Variants in BEND7 observed in about 807,000 individuals in gnomAD.
BEND7 encodes the protein BEN domain containing 7, also known as BEN domain-containing protein 7.
BEND7 carries 28 observed loss-of-function variants against 50.9 expected under a neutral mutation model. That is an observed-to-expected ratio of 0.55 (90% CI 0.41 to 0.75). The LOEUF (loss-of-function observed/expected upper bound fraction) is 0.75. Ranked by LOEUF, BEND7 falls within the 30% of genes least tolerant of loss-of-function variation. The probability of loss-of-function intolerance (pLI) is 0.00; values close to 1 mark genes in which losing one functional copy is unlikely to be tolerated. For synonymous variants in BEND7, 170 were observed against 183.9 expected, an observed-to-expected ratio of 0.92 and a Z score of 0.61; for missense variants, 477 against 491.3, an observed-to-expected ratio of 0.97 and a Z score of 0.28.
At chr10:13,529,357 C>G (rs939878002), upstream of BEND7, among the ~76,000 whole-genome samples, 4 of 151,972 alleles carry the variant, frequency 2.6e-5, no homozygotes, top group Admixed American at 2.0e-4. Flanking sequence ...ACAACCACCT[C>G]CCCGCCCTCA....
intron 2 of BEND7, among the ~76,000 whole-genome samples, chr10:13,503,965 C>G (rs1316806354): frequency 6.6e-6 from 1 of 152,212 alleles, no homozygotes; most frequent in Non-Finnish European, 1.5e-5. Context: ...ACCCCTGCAG[C>G]TGCTGCCTAG....
intron 6 of BEND7, among the ~76,000 whole-genome samples, chr10:13,463,610 C>G (rs186723935): frequency 3.3e-5 from 5 of 151,784 alleles, no homozygotes; most frequent in Admixed American, 1.3e-4. Context: ...GATTAAAGAC[C>G]TGATTATAAA....
intron 6 of BEND7, among the ~76,000 whole-genome samples, chr10:13,474,439 T>C (rs990573912): frequency 6.6e-6 from 1 of 151,996 alleles, no homozygotes; most frequent in South Asian, 2.1e-4. Context: ...GGCCGATATC[T>C]GTCATCACTG....
At chr10:13,516,183 G>A (rs2078656270) in intron 2 of BEND7, among the ~76,000 whole-genome samples, 1 of 152,222 alleles carries the variant, frequency 6.6e-6, no homozygotes. Context: ...TGCCCTGAAG[G>A]AATTCAAACT....
intron 5 of BEND7, among the ~76,000 whole-genome samples, chr10:13,488,767 G>A (rs12572018): frequency 7.2e-5 from 11 of 152,178 alleles, no homozygotes; most frequent in East Asian, 1.9e-4. Flanking sequence ...GATTACAGGC[G>A]TGAGCCACCG....
chr10:13,480,372 C>T (rs1317000903), intron 6 of BEND7, among the ~76,000 whole-genome samples: 1 of 152,104 alleles, frequency 6.6e-6, no homozygotes, highest in African/African-American at 2.4e-5. Context: ...CGGCACAAAA[C>T]AAGAGGGAGA....
In BEND7 at chr10:13,524,359, C is replaced by T. The variant is rs146974451; in HGVS notation, c.145+1779G>A. ...TTTGATAATACAAAATTCCAGCTGA[C>T]CAACCAGGCACGGTGGCTCACGCCT... On this transcript the variant is annotated intron_variant, in intron 2 of 8. Transcript: ENST00000466271. 9.1e-3 allele frequency among the ~76,000 whole-genome samples: 1,387 copies of T among 152,192 alleles called. 21 individuals carry two copies. Among genetic ancestry groups the T allele is most frequent in the African/African-American group, 0.031 (1,302 of 41,528 alleles).
chr10:13,503,363 C>A (rs1170668465), intron 2 of BEND7, among the ~76,000 whole-genome samples: 1 of 152,178 alleles, frequency 6.6e-6, no homozygotes, highest in Non-Finnish European at 1.5e-5. Context: ...CAGGTCCCTC[C>A]TCAGAGGAAG....
At chr10:13,479,903 CCTTTAAA>C (rs1270746230) in intron 6 of BEND7, among the ~76,000 whole-genome samples, 3 of 152,170 alleles carry the variant, frequency 2.0e-5, no homozygotes, top group Non-Finnish European at 4.4e-5. Context: ...TTTCAAGCAT[CCTTTAAA>C]CACTACTGAA....
chr10:13,514,649 C>A (rs144234527), intron 2 of BEND7, among the ~76,000 whole-genome samples: 2 of 152,130 alleles, frequency 1.3e-5, no homozygotes, highest in Admixed American at 1.3e-4. Context: ...TCCCTCCCAG[C>A]GGAGAGTTAA....
intron 2 of BEND7, among the ~76,000 whole-genome samples, chr10:13,517,434 A>C (rs1312702503): frequency 6.6e-6 from 1 of 152,160 alleles, no homozygotes; most frequent in African/African-American, 2.4e-5. Flanking sequence ...GCAGGGTCTC[A>C]GCTGTCATGC....
chr10:13,453,133 G>A (rs141953072), intron 6 of BEND7, among the ~76,000 whole-genome samples: 101 of 152,260 alleles, frequency 6.6e-4, no homozygotes, highest in African/African-American at 1.4e-3. Flanking sequence ...AGTTGGTGTC[G>A]TGATGAAAGT....
In BEND7 at chr10:13,455,183, CAACAA is replaced by C. The variant is rs373207955; in HGVS notation, c.1064-2530_1064-2526del. Among the ~76,000 whole-genome samples, 1,516 of 151,980 alleles carry C rather than the reference CAACAA, an allele frequency of 1.0e-2. 18 individuals carry two copies. Among genetic ancestry groups the C allele is most frequent in the African/African-American group, 0.034 (1,428 of 41,444 alleles). Reference sequence around the variant, plus strand: ...CAAGACTCTGACTCAAACAAACACACAACAAAACAAAACAAAACAAAACAGTGAGA... The same window carrying C: ...CAAGACTCTGACTCAAACAAACACACAACAAAACAAAACAAAACAGTGAGA... On this transcript the variant is annotated intron_variant, in intron 6 of 8. Coordinates refer to ENST00000466271, the MANE Select transcript of BEND7 (RefSeq NM_001369863.1).
rs192872175 is a variant in BEND7, at chr10:13,480,330, G to A, written c.1063+569C>T. 4.7e-4 allele frequency among the ~76,000 whole-genome samples: 72 copies of A among 152,282 alleles called. 1 individual carries two copies. In the East Asian group the frequency reaches 0.011, roughly 23 times the overall value. ...AAGGAGGGAAGGGGGAGAGACCCACGGTGGTCTCTGCATGGAGCTGGCATG... is the reference window on the plus strand; with the variant it reads ...AAGGAGGGAAGGGGGAGAGACCCACAGTGGTCTCTGCATGGAGCTGGCATG... On this transcript the variant is annotated intron_variant, in intron 6 of 8. Transcript: ENST00000466271.
intron 7 of BEND7, among the ~76,000 whole-genome samples, chr10:13,450,529 G>C (rs1837441461): frequency 6.6e-6 from 1 of 152,178 alleles, no homozygotes. Context: ...AACTGTATTT[G>C]GCAGGTCATT....
At chr10:13,481,637 G>A (rs2075867791) in intron 5 of BEND7, among the ~76,000 whole-genome samples, 1 of 152,158 alleles carries the variant, frequency 6.6e-6, no homozygotes, top group Admixed American at 6.5e-5. Context: ...CTATGCCAGT[G>A]GCTTTTAGCT....
At chr10:13,529,165 CCCGAGGAGGCGCGGAGGCCGCGGCGCA>C (rs2079582309), upstream of BEND7, among the ~76,000 whole-genome samples, 3 of 144,732 alleles carry the variant, frequency 2.1e-5, no homozygotes, top group Admixed American at 2.0e-4. Context: ...CGCGCGGCGC[CCCGAGGAGGCGCGGAGGCCGCGGCGCA>C]GCGCCCTGGC....
chr10:13,466,386 C>G (rs977492201), intron 6 of BEND7, among the ~76,000 whole-genome samples: 1 of 152,034 alleles, frequency 6.6e-6, no homozygotes, highest in African/African-American at 2.4e-5. Flanking sequence ...ATGCCGAAAC[C>G]CTGTCTCTAT....
At chr10:13,475,437 T>A (rs2075350876) in intron 6 of BEND7, among the ~76,000 whole-genome samples, 1 of 152,222 alleles carries the variant, frequency 6.6e-6, no homozygotes, top group Non-Finnish European at 1.5e-5. Flanking sequence ...ATCAAGTGTT[T>A]ACTCCCAAAC....
Sources: allele counts gnomAD v4.1 joint callset (sites outside exome capture counted in the v4.1 genomes callset), GRCh38; gene constraint gnomAD v4.1.1; transcripts MANE v1.5; gene names NCBI Gene and HGNC (gene_info 2026-07-23, HGNC 2026-07-21).